Variants in SETD3 observed in about 807,000 individuals in gnomAD.
SETD3 encodes actin-histidine N-methyltransferase.
A neutral mutation model predicts 63.0 loss-of-function variants in SETD3; 19 were observed. The ratio of observed to expected loss-of-function variants is 0.30; its 90% CI spans 0.21 to 0.44. SETD3 has a LOEUF of 0.44. SETD3 is among the 20% of genes least tolerant of loss of function. The pLI is 1.00. For missense variants in SETD3, 587 were observed against 728.5 expected, an observed-to-expected ratio of 0.81 and a Z score of 2.24; for synonymous variants, 286 against 264.1, an observed-to-expected ratio of 1.08 and a Z score of -0.80.
At chr14:99,437,995 G>C (rs1483964271) in intron 6 of SETD3, among the ~76,000 whole-genome samples, 1 of 152,118 alleles carries the variant, frequency 6.6e-6, no homozygotes, top group Non-Finnish European at 1.5e-5. Flanking sequence ...TCACTTTAAA[G>C]ACCACACAAG....
chr14:99,422,173 G>A (rs1348839707), intron 6 of SETD3, among the ~76,000 whole-genome samples: 6 of 152,312 alleles, frequency 3.9e-5, no homozygotes, highest in Admixed American at 3.9e-4. Flanking sequence ...TGCACATGAA[G>A]AAGTTTGGAC....
intron 6 of SETD3, among the ~76,000 whole-genome samples, chr14:99,448,647 G>A (rs897634637): frequency 1.5e-4 from 23 of 152,032 alleles, no homozygotes; most frequent in African/African-American, 2.2e-4. Context: ...GAAACTGACC[G>A]CCTTGTACCC....
chr14:99,400,916 G>GA (rs1328059741), intron 11 of SETD3, among the ~76,000 whole-genome samples: 2 of 152,212 alleles, frequency 1.3e-5, no homozygotes, highest in African/African-American at 4.8e-5. Flanking sequence ...AAGGCAGGTG[G>GA]ATCACTTGAG....
Position 99,423,676 on chromosome 14 carries a change from A to G in SETD3, c.676-9742T>C, listed in dbSNP as rs142325892. Among the ~76,000 whole-genome samples, 135 of 150,000 alleles carry G rather than the reference A, an allele frequency of 9.0e-4. 2 individuals carry two copies. The East Asian group carries it at 0.025, about 28-fold the overall frequency. On this transcript the variant is annotated intron_variant, in intron 6 of 12. Coordinates refer to ENST00000331768, the MANE Select transcript of SETD3 (RefSeq NM_032233.3). ...CTCCATTAGCATTAAGATATGTTAGAAAAAAAGTCATTCACAGTACTTCCA... is the reference window on the plus strand; with the variant it reads ...CTCCATTAGCATTAAGATATGTTAGGAAAAAAGTCATTCACAGTACTTCCA...
At chr14:99,418,402 G>GTCT (rs1160758246) in intron 6 of SETD3, among the ~76,000 whole-genome samples, 1 of 152,112 alleles carries the variant, frequency 6.6e-6, no homozygotes, top group African/African-American at 2.4e-5. Flanking sequence ...GCCAGGAACA[G>GTCT]ACACACCTAA....
At chr14:99,464,122 T>A (rs927110300) in intron 2 of SETD3, among the ~76,000 whole-genome samples, 2 of 151,618 alleles carry the variant, frequency 1.3e-5, no homozygotes, top group South Asian at 2.1e-4. Flanking sequence ...TCTGGGGGAG[T>A]TGCAAAATGA....
chr14:99,467,695 G>C (rs1318352692), intron 1 of SETD3, among the ~76,000 whole-genome samples: 2 of 152,292 alleles, frequency 1.3e-5, no homozygotes, highest in East Asian at 3.9e-4. Flanking sequence ...TTCTGCTGTG[G>C]GAGCCTGTAA....
chr14:99,426,628 T>C (rs956352111), intron 6 of SETD3, among the ~76,000 whole-genome samples: 3 of 152,150 alleles, frequency 2.0e-5, no homozygotes, highest in African/African-American at 7.2e-5. Context: ...CATTGCCACT[T>C]CCTATTTTCC....
chr14:99,423,641 C>T (rs914255048), intron 6 of SETD3, among the ~76,000 whole-genome samples: 2 of 101,984 alleles, frequency 2.0e-5, no homozygotes, highest in Non-Finnish European at 4.0e-5. Flanking sequence ...GCCATCAGTA[C>T]TTGCTATTTC....
At chr14:99,414,306 C>A (rs1892170328) in intron 6 of SETD3, among the ~76,000 whole-genome samples, 1 of 152,266 alleles carries the variant, frequency 6.6e-6, no homozygotes, top group Non-Finnish European at 1.5e-5. Flanking sequence ...CCTGGCCCCG[C>A]TCTGCACCTC....
chr14:99,469,542 G>A (rs950039462), intron 1 of SETD3, among the ~76,000 whole-genome samples: 4 of 152,160 alleles, frequency 2.6e-5, no homozygotes, highest in Admixed American at 1.3e-4. Context: ...CCAGGAGTTT[G>A]AGACCAGCCT....
chr14:99,447,801 A>G (rs1158334625), intron 6 of SETD3, among the ~76,000 whole-genome samples: 1 of 152,242 alleles, frequency 6.6e-6, no homozygotes, highest in Non-Finnish European at 1.5e-5. Context: ...GGGGAAAAAA[A>G]GCAAATAGGC....
chr14:99,469,432 T>C (rs1895573725), intron 1 of SETD3, among the ~76,000 whole-genome samples: 1 of 152,218 alleles, frequency 6.6e-6, no homozygotes, highest in Admixed American at 6.5e-5. Flanking sequence ...TCAGCCTTAA[T>C]AAATTGAGGT....
At position 99,434,249 on chromosome 14, in the gene SETD3, C is replaced by T. The variant is rs553363557; in HGVS notation, c.676-20315G>A. Among the ~76,000 whole-genome samples, 5 of 152,302 alleles carry T rather than the reference C, an allele frequency of 3.3e-5. No homozygotes were observed. In the South Asian group the frequency reaches 1.0e-3, roughly 32 times the overall value. ...AAAAAGAATAAACTACAGCTACACA[C>T]AGCAACATGGGTGAATTCCAGAGAC... On this transcript the variant is annotated intron_variant, in intron 6 of 12. Transcript: ENST00000331768.
At chr14:99,455,646 C>T (rs567317303) in intron 6 of SETD3, among the ~76,000 whole-genome samples, 2 of 152,274 alleles carry the variant, frequency 1.3e-5, no homozygotes, top group Admixed American at 1.3e-4. Flanking sequence ...AGGCCTCAGG[C>T]TTCCAATCAT....
chr14:99,414,514 C>A (rs1892184465), intron 6 of SETD3, among the ~76,000 whole-genome samples: 1 of 152,202 alleles, frequency 6.6e-6, no homozygotes, highest in African/African-American at 2.4e-5. Context: ...AGGAGAAGTG[C>A]AGGTCTATGA....
intron 4 of SETD3, among the ~76,000 whole-genome samples, chr14:99,460,332 C>G (rs1234406460): frequency 6.6e-6 from 1 of 152,100 alleles, no homozygotes; most frequent in Non-Finnish European, 1.5e-5. Context: ...CACCCAAGTT[C>G]TGAAGCAACT....
chr14:99,426,022 A>C (rs1892862728), intron 6 of SETD3, among the ~76,000 whole-genome samples: 1 of 152,156 alleles, frequency 6.6e-6, no homozygotes, highest in Non-Finnish European at 1.5e-5. Context: ...CCCTAAAAAA[A>C]ACTTGGTGTG....
rs1038800746 is a variant in SETD3, at chr14:99,413,165, G to A, written c.735-100C>T. Reference sequence around the variant, plus strand: ...AATTTAGGTTTGATCTCTTACAAACGTACAAAGTCTTTTCCTAAGTAACAA... The same window carrying A: ...AATTTAGGTTTGATCTCTTACAAACATACAAAGTCTTTTCCTAAGTAACAA... On this transcript the variant is annotated intron_variant, in intron 7 of 12. Coordinates refer to ENST00000331768, the MANE Select transcript of SETD3 (RefSeq NM_032233.3). The A allele has an allele frequency of 5.4e-5, 35 of 649,918 alleles. No homozygotes were observed. In the Middle Eastern group the frequency reaches 7.6e-4, roughly 14 times the overall value. The allele number at this position is 649,918 out of a possible 1,614,324, so 40.3% of individuals were successfully genotyped here. A position where few individuals can be genotyped will look rare whatever the true frequency, so the allele number is the denominator to read the frequency against.
Sources: allele counts gnomAD v4.1 joint callset (sites outside exome capture counted in the v4.1 genomes callset), GRCh38; gene constraint gnomAD v4.1.1; transcripts MANE v1.5; gene names NCBI Gene and HGNC (gene_info 2026-07-23, HGNC 2026-07-21).